LY75: variants seen among roughly 807,000 people sequenced by gnomAD.
The protein encoded by LY75 is lymphocyte antigen 75, also known as C-type lectin domain family 13 member B.
A neutral mutation model predicts 231.7 loss-of-function variants in LY75; 185 were observed. The ratio of observed to expected loss-of-function variants is 0.80; its 90% CI spans 0.71 to 0.90. The LOEUF is 0.90. Among genes scored for constraint, LY75 ranks in the 40% least tolerant of loss-of-function variants. The pLI is 0.00. For missense variants in LY75, 1,947 were observed against 2,050.2 expected (o/e 0.95, Z 0.97); for synonymous variants, 668 against 689.0 (o/e 0.97, Z 0.48).
In LY75 at chr2:159,882,418, TG is replaced by T. The variant is rs1287135034; in HGVS notation, c.1055-104del. On this transcript the variant is annotated intron_variant, in intron 6 of 34. Transcript: ENST00000263636. ...TTGAATAATGAGAGTCCTGGAAAAC[TG>T]GGGACGTGATGTCAGATGCTACGGT... The T allele has an allele frequency of 1.1e-5, 16 of 1,476,744 alleles. No individual in the cohort carries two copies. The Admixed American group carries it at 3.2e-4, about 30-fold the overall frequency. 91.5% of individuals were successfully genotyped at this position (1,476,744 alleles called of 1,614,324 possible).
chr2:159,838,748 G>T (rs1683912307), intron 25 of LY75, among the ~76,000 whole-genome samples: 1 of 152,136 alleles, frequency 6.6e-6, no homozygotes. Flanking sequence ...TGAGTAAGCA[G>T]CTTCCCCATC....
intron 21 of LY75, among the ~76,000 whole-genome samples, chr2:159,851,626 C>A (rs956629538): frequency 6.6e-6 from 1 of 152,178 alleles, no homozygotes; most frequent in Non-Finnish European, 1.5e-5. Context: ...TTTTCAGAAG[C>A]CAAATGCATT....
Position 159,858,472 on chromosome 2 carries a change from A to G in LY75, c.2273T>C (p.Phe758Ser). Reference protein sequence around the residue: ...DIRDCAAVKVFHRPWRRGWHF... With the variant: ...DIRDCAAVKVSHRPWRRGWHF... ...CCAGCCTCTTCGCCATGGCCTATGA[A>G]ATACCTATAAGAGGAAAAGTATTGC... The change falls in exon 16 of 35, where the codon TTT (phenylalanine) becomes TCT (serine). Residue 758 changes from phenylalanine to serine, a missense_variant. Physicochemically the swap from Phe to Ser is radical, Grantham distance 155. Transcript: ENST00000263636. 6.2e-7 allele frequency: 1 copy of G among 1,611,080 alleles called. No individual in the cohort carries two copies. Among genetic ancestry groups the G allele is most frequent in the Non-Finnish European group, 8.5e-7 (1 of 1,179,084 alleles).
chr2:159,835,408 C>T, intron 26 of LY75, 72 bp downstream of exon 26: 2 of 1,401,196 alleles, frequency 1.4e-6, no homozygotes, highest in African/African-American at 1.5e-5. Context: ...TTTATAAAAC[C>T]ACTCCTCAGA....
At chr2:159,885,685 T>C (rs1337465219) in intron 5 of LY75, among the ~76,000 whole-genome samples, 1 of 152,190 alleles carries the variant, frequency 6.6e-6, no homozygotes, top group Non-Finnish European at 1.5e-5. Flanking sequence ...AAATATTCTA[T>C]TTACTGAAAT....
In LY75 at chr2:159,853,341, G is replaced by A; in HGVS notation, c.2675C>T (p.Pro892Leu). 1 of 1,613,154 alleles carries A rather than the reference G, an allele frequency of 6.2e-7. No homozygotes were observed. Among genetic ancestry groups the A allele is most frequent in the Non-Finnish European group, 8.5e-7 (1 of 1,179,356 alleles). The change falls in exon 20 of 35, where the codon CCA becomes CTA. Residue 892 changes from proline to leucine, a missense_variant. Physicochemically the swap from Pro to Leu is moderately conservative, Grantham distance 98 (BLOSUM62 -3). Transcript: ENST00000263636. ...IDDHFTYSRY[P>L]WHRFPVTFGE... ...AAATGTCACAGGAAAGCGGTGCCAT[G>A]GATATCGTGAGCTAAAAGAAAATGA...
chr2:159,858,114 G>A (rs567526658), intron 16 of LY75, among the ~76,000 whole-genome samples: 2 of 152,200 alleles, frequency 1.3e-5, no homozygotes, highest in African/African-American at 4.8e-5. Flanking sequence ...CTCCCTGAAT[G>A]AGCCTCACAT....
At chr2:159,883,222 G>A (rs1239451815) in intron 6 of LY75, among the ~76,000 whole-genome samples, 1 of 150,682 alleles carries the variant, frequency 6.6e-6, no homozygotes, top group Non-Finnish European at 1.5e-5. Flanking sequence ...CATGGCACAC[G>A]TATACATATG....
At chr2:159,852,420 T>G (rs1684428729) in intron 20 of LY75, 80 bp from the exon 21 acceptor site, 1 of 1,398,180 alleles carries the variant, frequency 7.2e-7, no homozygotes. Context: ...GTGTTTTTTT[T>G]TGTTTTTTTT....
At chr2:159,900,439 A>T (rs879518085) in intron 1 of LY75, among the ~76,000 whole-genome samples, 12 of 152,256 alleles carry the variant, frequency 7.9e-5, no homozygotes, top group Admixed American at 7.8e-4. Context: ...AAGCTTAAGC[A>T]ATCACTGTCA....
intron 31 of LY75, among the ~76,000 whole-genome samples, chr2:159,811,971 T>C (rs72998644): frequency 0.011 from 1,740 of 152,324 alleles, 41 homozygotes; most frequent in African/African-American, 0.039. Flanking sequence ...GAAATGTTAC[T>C]AGTAAGTTCT....
In LY75 at chr2:159,852,325, G is replaced by A; in HGVS notation, c.2759C>T (p.Thr920Ile). The change falls in exon 21 of 35, where the codon ACA (threonine) becomes ATA (isoleucine). Residue 920 changes from threonine (T) to isoleucine (I), a missense_variant. By Grantham distance (89) the Thr-to-Ile change is moderately conservative (BLOSUM62 -1). Transcript: ENST00000263636. ...GAAGGGCAACTTGGTACTACAGTCT[G>A]TTGGTTTACCTAAGTCTGAGAAATG... ...KTWLIDLGKPTDCSTKLPFIC... is the reference protein window; with the variant it reads ...KTWLIDLGKPIDCSTKLPFIC... 2.5e-6 allele frequency: 4 copies of A among 1,613,598 alleles called. No homozygotes were observed. Among genetic ancestry groups the A allele is most frequent in the Non-Finnish European group, 2.5e-6 (3 of 1,179,748 alleles).
rs751950505 is a variant in LY75 at position 159,841,009 on chromosome 2, G to A, written c.3281-54C>T. 1.9e-6 allele frequency: 3 copies of A among 1,586,160 alleles called. No individual in the cohort carries two copies. In the East Asian group the frequency reaches 6.7e-5, roughly 36 times the overall value. ...ACAAACCCTTCCCCACACTCTGCAA[G>A]TTATGGGACATTTTTTTCACATTTC... On this transcript the variant is annotated intron_variant, in intron 24 of 34. Coordinates refer to ENST00000263636, the MANE Select transcript of LY75 (RefSeq NM_002349.4).
At chr2:159,808,235 T>C in intron 33 of LY75, 1 of 786,348 alleles carries the variant, frequency 1.3e-6, no homozygotes, top group East Asian at 1.3e-4. Flanking sequence ...TTTAACAGGA[T>C]TTTCTGTGTC....
intron 21 of LY75, 111 bp from the exon 22 acceptor site, chr2:159,850,578 T>C: frequency 7.1e-7 from 1 of 1,399,608 alleles, no homozygotes; most frequent in Non-Finnish European, 9.7e-7. Flanking sequence ...CTGTGAGATA[T>C]GGTAATTTGC....
intron 31 of LY75, among the ~76,000 whole-genome samples, chr2:159,811,281 C>T (rs1159247742): frequency 6.6e-6 from 1 of 152,146 alleles, no homozygotes; most frequent in Admixed American, 6.5e-5. Context: ...AAGCATAATA[C>T]ATCAGCACCG....
intron 31 of LY75, among the ~76,000 whole-genome samples, 183 bp downstream of exon 31, chr2:159,815,222 C>A (rs1414248834): frequency 6.6e-6 from 1 of 152,126 alleles, no homozygotes; most frequent in Non-Finnish European, 1.5e-5. Flanking sequence ...AGGATGATCT[C>A]CATCTCCTGA....
chr2:159,891,195 T>C (rs1685745362), intron 3 of LY75, among the ~76,000 whole-genome samples: 1 of 152,180 alleles, frequency 6.6e-6, no homozygotes, highest in Non-Finnish European at 1.5e-5. Context: ...TATCAGATGT[T>C]ATACTCATGA....
chr2:159,901,850 C>A (rs1686090742), intron 1 of LY75, among the ~76,000 whole-genome samples: 1 of 152,186 alleles, frequency 6.6e-6, no homozygotes, highest in African/African-American at 2.4e-5. Flanking sequence ...AACTTATTAG[C>A]CTCCATATAT....
Sources: gnomAD v4.1 joint callset for allele counts (sites outside exome capture counted in the v4.1 genomes callset) on GRCh38, gnomAD v4.1.1 for gene constraint, MANE v1.5 for transcripts, NCBI Gene and HGNC (gene_info 2026-07-23, HGNC 2026-07-21) for gene names.